The following MTUS1 variants were observed in gnomAD, a reference collection of about 807,000 sequenced individuals.
The protein encoded by MTUS1 is microtubule-associated tumor suppressor 1.
Under a neutral mutation model 120.8 loss-of-function variants are expected in MTUS1, and 109 were observed. The observed-to-expected ratio is 0.90, with a 90% CI of 0.77 to 1.06. MTUS1 has a LOEUF of 1.06. Ranked by LOEUF, MTUS1 falls within the 50% of genes least tolerant of loss-of-function variation. The probability of loss-of-function intolerance (pLI) is 0.00; values close to 1 mark genes in which losing one functional copy is unlikely to be tolerated. For missense variants in MTUS1, 2,210 were observed against 1,486.3 expected (o/e 1.49, Z -8.01); for synonymous variants, 737 against 550.5 (o/e 1.34, Z -4.74).
chr8:17,646,919 A>C (rs1489402998), intron 14 of MTUS1, 63 bp downstream of exon 14: 2 of 1,236,968 alleles, frequency 1.6e-6, no homozygotes, highest in East Asian at 4.6e-5. Flanking sequence ...GCGTGTCCAG[A>C]AAGTACACTG....
At chr8:17,711,860 T>G (rs1017119224) in intron 6 of MTUS1, among the ~76,000 whole-genome samples, 2 of 152,184 alleles carry the variant, frequency 1.3e-5, no homozygotes, top group Admixed American at 1.3e-4. Flanking sequence ...TTACTTTCAA[T>G]ATTATTGTGT....
At chr8:17,648,977 C>CTGAACAT (rs1343899000) in intron 13 of MTUS1, among the ~76,000 whole-genome samples, 1 of 152,266 alleles carries the variant, frequency 6.6e-6, no homozygotes, top group Non-Finnish European at 1.5e-5. Context: ...ACGCTGAACA[C>CTGAACAT]TGAACATGCC....
chr8:17,708,947 C>A (rs12547457), intron 6 of MTUS1: 79,189 of 151,996 alleles, frequency 0.52, 21,600 homozygotes, highest in Middle Eastern at 0.69. Flanking sequence ...ACCATCCTGG[C>A]TAACACGGTG....
chr8:17,681,718 A>G, intron 7 of MTUS1: 1 of 154,878 alleles, frequency 6.5e-6, no homozygotes, highest in South Asian at 2.0e-4. Flanking sequence ...TCTGGGCATG[A>G]TAATAACATT....
chr8:17,666,690 C>A (rs1034049667), intron 8 of MTUS1, among the ~76,000 whole-genome samples: 43 of 152,208 alleles, frequency 2.8e-4, no homozygotes, highest in African/African-American at 7.7e-4. Context: ...GGAAGAAAAA[C>A]TGGTCTCCTG....
intron 1 of MTUS1, among the ~76,000 whole-genome samples, chr8:17,795,649 A>G (rs1563407811): frequency 6.6e-6 from 1 of 152,078 alleles, no homozygotes; most frequent in African/African-American, 2.4e-5. Flanking sequence ...TATTCCTTTT[A>G]TTCCTTTTTA....
chr8:17,709,469 G>C (rs192398804), intron 6 of MTUS1, among the ~76,000 whole-genome samples: 3 of 152,124 alleles, frequency 2.0e-5, no homozygotes, highest in Non-Finnish European at 4.4e-5. Flanking sequence ...GCTCTCCAGA[G>C]ACAAGGCCCC....
intron 6 of MTUS1, among the ~76,000 whole-genome samples, chr8:17,698,200 G>C (rs1465315345): frequency 8.5e-5 from 13 of 152,110 alleles, no homozygotes; most frequent in Admixed American, 2.6e-4. Flanking sequence ...CATCAGATAG[G>C]CATATTCTAA....
chr8:17,657,531 G>T (rs1478652803), intron 8 of MTUS1, among the ~76,000 whole-genome samples: 1 of 150,634 alleles, frequency 6.6e-6, no homozygotes, highest in African/African-American at 2.4e-5. Flanking sequence ...TCCCGCCACT[G>T]CACTCCAGCC....
intron 1 of MTUS1, among the ~76,000 whole-genome samples, chr8:17,760,577 T>C (rs114510985): frequency 6.6e-6 from 1 of 152,182 alleles, no homozygotes; most frequent in African/African-American, 2.4e-5. Flanking sequence ...TTGGCCATTT[T>C]GTTTTACTGC....
At position 17,646,939 on chromosome 8, in the gene MTUS1, G is replaced by C. The variant is rs201261566; in HGVS notation, c.3599+43C>G. 275 of 1,452,668 alleles carry C rather than the reference G, an allele frequency of 1.9e-4. No homozygotes were observed. The African/African-American group carries it at 3.4e-3, about 18-fold the overall frequency. The allele number at this position is 1,452,668 out of a possible 1,614,324, so 90.0% of individuals were successfully genotyped here. A position where few individuals can be genotyped will look rare whatever the true frequency, so the allele number is the denominator to read the frequency against. On this transcript the variant is annotated intron_variant, in intron 14 of 14. Coordinates refer to ENST00000693296, the MANE Select transcript of MTUS1 (RefSeq NM_001363059.2). ...TCCAGAAAGTACACTGGATGTCCAA[G>C]GGAGCGGGGAGCTCGGGAGAAACAG... is the stretch of plus-strand genomic sequence containing the variant.
intron 12 of MTUS1, among the ~76,000 whole-genome samples, chr8:17,651,336 CAAGAG>C (rs1161817426): frequency 1.3e-5 from 2 of 151,952 alleles, no homozygotes; most frequent in Admixed American, 1.3e-4. Flanking sequence ...AAAATAGCTA[CAAGAG>C]AAGATATAAA....
chr8:17,774,960 AATATT>A (rs1411811675), intron 1 of MTUS1, among the ~76,000 whole-genome samples: 2 of 141,860 alleles, frequency 1.4e-5, no homozygotes, highest in Non-Finnish European at 1.5e-5. Context: ...GAACCCTGAA[AATATT>A]ATAAGTAAAA....
chr8:17,740,214 A>C (rs1401711528), intron 3 of MTUS1, among the ~76,000 whole-genome samples: 3 of 105,668 alleles, frequency 2.8e-5, no homozygotes, highest in African/African-American at 9.8e-5. Context: ...TCTCAAAAAA[A>C]AAAAAGGAAA....
chr8:17,746,155 T>A (rs1354611305), intron 2 of MTUS1, among the ~76,000 whole-genome samples: 1 of 152,148 alleles, frequency 6.6e-6, no homozygotes, highest in African/African-American at 2.4e-5. Flanking sequence ...ATACAGCTAG[T>A]CTTCATGAAG....
At chr8:17,797,130 G>A (rs2052306831) in intron 1 of MTUS1, among the ~76,000 whole-genome samples, 1 of 151,994 alleles carries the variant, frequency 6.6e-6, no homozygotes, top group Non-Finnish European at 1.5e-5. Flanking sequence ...TAAATTTTTA[G>A]GCTGAGGGCG....
chr8:17,659,434 C>T (rs1809191227), intron 8 of MTUS1, among the ~76,000 whole-genome samples: 2 of 152,184 alleles, frequency 1.3e-5, no homozygotes, highest in Admixed American at 1.3e-4. Context: ...CAGTGGCTCA[C>T]GCCTGTAATC....
At chr8:17,647,153 G>T (rs978421402) in intron 13 of MTUS1, 74 bp from the exon 14 acceptor site, 21 of 1,107,012 alleles carry the variant, frequency 1.9e-5, no homozygotes, top group Non-Finnish European at 2.7e-5. Flanking sequence ...GGCACCTCAC[G>T]ACACAAGCAC....
intron 1 of MTUS1, among the ~76,000 whole-genome samples, chr8:17,759,577 T>C (rs896728301): frequency 6.7e-6 from 1 of 148,698 alleles, no homozygotes; most frequent in South Asian, 2.1e-4. Context: ...ATAATGTGCA[T>C]GTTACTATAT....
Sources: gnomAD v4.1 joint callset for allele counts (sites outside exome capture counted in the v4.1 genomes callset) on GRCh38, gnomAD v4.1.1 for gene constraint, MANE v1.5 for transcripts, NCBI Gene and HGNC (gene_info 2026-07-23, HGNC 2026-07-21) for gene names.